The following TMEM131 variants were observed in gnomAD, a reference collection of about 807,000 sequenced individuals.
TMEM131 encodes transmembrane protein 131, also known as 2610524E03Rik.
Under a neutral mutation model 211.6 loss-of-function variants are expected in TMEM131, and 66 were observed. That is an observed-to-expected ratio of 0.31 (90% CI 0.26 to 0.38). The LOEUF (loss-of-function observed/expected upper bound fraction) is 0.38. Among genes scored for constraint, TMEM131 ranks in the 10% least tolerant of loss-of-function variants. TMEM131 has a pLI of 1.00. For missense variants in TMEM131, 2,036 were observed against 2,299.3 expected (o/e 0.89, Z 2.34); for synonymous variants, 844 against 841.3 (o/e 1.00, Z -0.06).
At chr2:97,886,873 T>C (rs1344854065) in intron 4 of TMEM131, among the ~76,000 whole-genome samples, 1 of 152,230 alleles carries the variant, frequency 6.6e-6, no homozygotes, top group African/African-American at 2.4e-5. Context: ...GTTAAAACTT[T>C]CTTTTGACTC....
chr2:97,844,517 G>A (rs1350009315), intron 5 of TMEM131, among the ~76,000 whole-genome samples: 1 of 152,122 alleles, frequency 6.6e-6, no homozygotes, highest in African/African-American at 2.4e-5. Flanking sequence ...CAATCACTAG[G>A]CTGGCATGAA....
chr2:97,792,343 T>C, intron 31 of TMEM131, 43 bp downstream of exon 31: 1 of 1,479,444 alleles, frequency 6.8e-7, no homozygotes, highest in East Asian at 2.3e-5. Flanking sequence ...GCACTGGCTT[T>C]TCCCTCACAC....
At chr2:97,860,115 T>C (rs1234418774) in intron 4 of TMEM131, among the ~76,000 whole-genome samples, 3 of 152,224 alleles carry the variant, frequency 2.0e-5, no homozygotes, top group Non-Finnish European at 2.9e-5. Context: ...ATAGTCCACT[T>C]ACTACTTCTG....
At chr2:97,790,750 A>C (rs1335032746) in intron 31 of TMEM131, among the ~76,000 whole-genome samples, 2 of 152,264 alleles carry the variant, frequency 1.3e-5, no homozygotes, top group Non-Finnish European at 2.9e-5. Flanking sequence ...GTATTCACTT[A>C]AGATTATTCT....
At chr2:97,802,569 G>T (rs767330070) in intron 23 of TMEM131, 32 bp from the exon 24 acceptor site, 127 of 1,598,984 alleles carry the variant, frequency 7.9e-5, no homozygotes, top group Non-Finnish European at 1.0e-4. Context: ...TTAAATGAAA[G>T]ATTTCTATAG....
At chr2:97,793,703 C>G (rs1680611064) in intron 29 of TMEM131, 150 bp from the exon 30 acceptor site, 2 of 827,188 alleles carry the variant, frequency 2.4e-6, no homozygotes, top group Admixed American at 3.1e-5. Flanking sequence ...CAGACAAAAC[C>G]CACAGTTTTG....
intron 4 of TMEM131, among the ~76,000 whole-genome samples, chr2:97,873,135 G>A (rs542750790): frequency 8.5e-5 from 13 of 152,326 alleles, no homozygotes; most frequent in South Asian, 6.2e-4. Flanking sequence ...CACAAGTCAC[G>A]GGGAAGTTCG....
At chr2:97,939,758 G>A (rs55853292) in intron 1 of TMEM131, among the ~76,000 whole-genome samples, 10,904 of 152,160 alleles carry the variant, frequency 0.072, 465 homozygotes, top group Middle Eastern at 0.12. Flanking sequence ...GATGAACATC[G>A]ATGCAAAATC....
chr2:97,801,113 G>T (rs112787989), intron 25 of TMEM131, among the ~76,000 whole-genome samples: 1 of 152,192 alleles, frequency 6.6e-6, no homozygotes, highest in African/African-American at 2.4e-5. Context: ...GAACTACAAG[G>T]GATCTGGTTT....
rs764999161 is a variant in TMEM131 at position 97,792,445 on chromosome 2, T to G, written c.4085A>C (p.Asp1362Ala). ...EAMDKDFDHHDSPALEVFTEQ... is the reference protein window; with the variant it reads ...EAMDKDFDHHASPALEVFTEQ... ...TGTAAACACTTCTAGGGCTGGGGAGTCATGGTGGTCGAAGTCTTTGTCCAT... is the reference window on the plus strand; with the variant it reads ...TGTAAACACTTCTAGGGCTGGGGAGGCATGGTGGTCGAAGTCTTTGTCCAT... Residue 1362 changes from aspartate (D) to alanine (A), a missense_variant, in exon 31 of 41, where the codon GAC becomes GCC. Physicochemically the swap from Asp to Ala is moderately radical, Grantham distance 126. This residue lies in a region of TMEM131 where 1,623 missense variants were observed against 1,805.9 expected (regional missense o/e 0.90). Coordinates refer to ENST00000186436, the MANE Select transcript of TMEM131 (RefSeq NM_015348.2). 5 of 1,612,878 alleles carry G rather than the reference T, an allele frequency of 3.1e-6. No individual in the cohort carries two copies. The South Asian group carries it at 5.5e-5, about 18-fold the overall frequency.
At chr2:97,759,942 T>C (rs976273616) in intron 38 of TMEM131, 193 bp from the exon 39 acceptor site, 3 of 566,240 alleles carry the variant, frequency 5.3e-6, no homozygotes, top group African/African-American at 3.7e-5. Flanking sequence ...GCCCCAGAGC[T>C]CCGGATGCCC....
chr2:97,809,861 T>TA, intron 18 of TMEM131, 87 bp from the exon 19 acceptor site: 1 of 999,326 alleles, frequency 1.0e-6, no homozygotes, highest in Non-Finnish European at 1.5e-6. Context: ...GGGGTTAACC[T>TA]AATTTTGGGA....
chr2:97,811,381 A>T, intron 17 of TMEM131, 149 bp from the exon 18 acceptor site: 1 of 637,718 alleles, frequency 1.6e-6, no homozygotes, highest in Non-Finnish European at 2.8e-6. Flanking sequence ...GTGTACAAAT[A>T]TCTCAAAATA....
Position 97,776,033 on chromosome 2 carries a change from T to C in TMEM131, c.4145-15A>G. The C allele has an allele frequency of 6.3e-7, 1 of 1,594,380 alleles. No individual in the cohort carries two copies. Among genetic ancestry groups the C allele is most frequent in the East Asian group, 2.2e-5 (1 of 44,790 alleles). On this transcript the variant is annotated splice_polypyrimidine_tract_variant and intron_variant, in intron 31 of 40. Coordinates refer to ENST00000186436, the MANE Select transcript of TMEM131 (RefSeq NM_015348.2). The stretch of plus-strand genomic sequence containing the variant: ...TTTTCCTTTCCCTGAGGATAAAAAT[T>C]AAAGTAAAAGAACTCTTGTTTTTGT...
intron 1 of TMEM131, among the ~76,000 whole-genome samples, chr2:97,931,138 A>G (rs536375780): frequency 1.3e-5 from 2 of 151,964 alleles, no homozygotes; most frequent in Non-Finnish European, 2.9e-5. Context: ...AATTGGGCAT[A>G]TATTTCTGAC....
At chr2:97,827,344 G>A in intron 11 of TMEM131, 3 of 816,928 alleles carry the variant, frequency 3.7e-6, no homozygotes, top group Non-Finnish European at 6.6e-6. Flanking sequence ...TGCAAAAGTG[G>A]AAGCAAAGCC....
At chr2:97,834,048 C>T (rs556612861) in intron 10 of TMEM131, among the ~76,000 whole-genome samples, 1 of 152,230 alleles carries the variant, frequency 6.6e-6, no homozygotes, top group East Asian at 1.9e-4. Flanking sequence ...TAATAATTTA[C>T]AATGTAAAAA....
chr2:97,827,779 G>A (rs1264736792), intron 11 of TMEM131, among the ~76,000 whole-genome samples: 1 of 151,722 alleles, frequency 6.6e-6, no homozygotes, highest in East Asian at 1.9e-4. Flanking sequence ...AAATAGTGTG[G>A]GATATTGAAT....
At position 97,972,453 on chromosome 2, in the gene TMEM131, G is replaced by GGGGAGGGACGGAAGGCGGGC. The variant is rs1679342198; in HGVS notation, c.187+23022_187+23023insGCCCGCCTTCCGTCCCTCCC. On this transcript the variant is annotated intron_variant, in intron 1 of 40. Coordinates refer to ENST00000186436, the MANE Select transcript of TMEM131 (RefSeq NM_015348.2). ...GAAAGAAAGGGGAGGGAGGGAGGGA[G>GGGGAGGGACGGAAGGCGGGC]GGGAGGGAGGGAAGGCGGGCGGGAG... is the stretch of plus-strand genomic sequence containing the variant. 2.1e-5 allele frequency among the ~76,000 whole-genome samples: 3 copies of GGGGAGGGACGGAAGGCGGGC among 145,854 alleles called. No individual in the cohort carries two copies. The Admixed American group carries it at 2.1e-4, about 10-fold the overall frequency.
Sources: allele counts gnomAD v4.1 joint callset (sites outside exome capture counted in the v4.1 genomes callset), GRCh38; gene constraint gnomAD v4.1.1; regional missense constraint gnomAD v4.1.1; transcripts MANE v1.5; gene names NCBI Gene and HGNC (gene_info 2026-07-23, HGNC 2026-07-21).